The following ARHGAP21 variants were observed in gnomAD, a reference collection of about 807,000 sequenced individuals.
The protein encoded by ARHGAP21 is rho GTPase-activating protein 21.
ARHGAP21 carries 38 observed loss-of-function variants against 164.6 expected under a neutral mutation model. The ratio of observed to expected loss-of-function variants is 0.23; its 90% CI spans 0.18 to 0.30. The LOEUF is 0.30. Ranked by LOEUF, ARHGAP21 falls within the 10% of genes least tolerant of loss-of-function variation. ARHGAP21 has a pLI of 1.00. For missense variants in ARHGAP21, 1,822 were observed against 2,370.7 expected, an observed-to-expected ratio of 0.77 and a Z score of 4.81; for synonymous variants, 766 against 857.9, an observed-to-expected ratio of 0.89 and a Z score of 1.87.
At chr10:24,678,206 A>T (rs1841455127) in intron 2 of ARHGAP21, among the ~76,000 whole-genome samples, 1 of 152,216 alleles carries the variant, frequency 6.6e-6, no homozygotes, top group Non-Finnish European at 1.5e-5. Context: ...CTATAGTACA[A>T]CATCACAACC....
In ARHGAP21 at chr10:24,721,957, G is replaced by C. The variant is rs1412047590; in HGVS notation, c.-58C>G. 1 of 1,568,650 alleles carries C rather than the reference G, an allele frequency of 6.4e-7. No individual in the cohort carries two copies. Among genetic ancestry groups the C allele is most frequent in the Non-Finnish European group, 8.8e-7 (1 of 1,142,854 alleles). ...TTTGGAGTCCACATTGGACGTGGCGGGGAATGCCACCACACACCCGAAGGG... is the reference window on the plus strand; with the variant it reads ...TTTGGAGTCCACATTGGACGTGGCGCGGAATGCCACCACACACCCGAAGGG... On this transcript the variant is annotated 5_prime_UTR_variant, in exon 2 of 26. Transcript: ENST00000396432.
In ARHGAP21 at chr10:24,656,112, G is replaced by A. The variant is rs377123887; in HGVS notation, c.268+10873C>T. Among the ~76,000 whole-genome samples the A allele has an allele frequency of 8.0e-4, 117 of 146,970 alleles. 4 individuals carry two copies. The East Asian group carries it at 0.022, about 28-fold the overall frequency. The stretch of plus-strand genomic sequence containing the variant: ...TCTCCGCCCGGCAGCCACCCCATCT[G>A]GGAAGTGAGGAGTGTCTCCGCCCGG... On this transcript the variant is annotated intron_variant, in intron 4 of 25. Transcript: ENST00000396432.
intron 3 of ARHGAP21, among the ~76,000 whole-genome samples, chr10:24,669,354 A>G (rs2131762644): frequency 6.6e-6 from 1 of 152,334 alleles, no homozygotes; most frequent in African/African-American, 2.4e-5. Context: ...TTAGAATTAG[A>G]AAAGACTTTG....
At chr10:24,656,378 C>G (rs1177426182) in intron 4 of ARHGAP21, among the ~76,000 whole-genome samples, 9 of 98,692 alleles carry the variant, frequency 9.1e-5, no homozygotes, top group African/African-American at 1.8e-4. Flanking sequence ...CCGCCCCGTC[C>G]GGGAGGGAGG....
At chr10:24,714,026 A>G (rs1443064650) in intron 2 of ARHGAP21, among the ~76,000 whole-genome samples, 1 of 152,224 alleles carries the variant, frequency 6.6e-6, no homozygotes, top group Non-Finnish European at 1.5e-5. Flanking sequence ...AACACATTTA[A>G]TTACTTACAG....
chr10:24,697,673 A>G lies in ARHGAP21; in HGVS notation c.63+24164T>C, dbSNP rs553312523. ...GGAGTTCGAGACCAGCCTGGCCAACACGGTGAAACCCCGTCTCTACTGAAA... is the reference window on the plus strand; with the variant it reads ...GGAGTTCGAGACCAGCCTGGCCAACGCGGTGAAACCCCGTCTCTACTGAAA... On this transcript the variant is annotated intron_variant, in intron 2 of 25. Transcript: ENST00000396432. Among the ~76,000 whole-genome samples, 244 of 152,232 alleles carry G rather than the reference A, an allele frequency of 1.6e-3. 1 individual carries two copies. The highest frequency in any genetic ancestry group is 5.6e-3 in the African/African-American group (233 of 41,538).
Position 24,584,824 on chromosome 10 carries a change from T to G in ARHGAP21, c.5465A>C (p.His1822Pro). The G allele has an allele frequency of 1.2e-6, 2 of 1,614,008 alleles. No homozygotes were observed. The highest frequency in any genetic ancestry group is 1.7e-6 in the Non-Finnish European group (2 of 1,179,874). ...EISVLNFWKV[H>P]EQSGERESEL... ...AGATTCTCTCTCCCCGCTCTGCTCA[T>G]GCACTTTCCAAAAATTCAAAACGCT... is the stretch of plus-strand genomic sequence containing the variant. Residue 1822 changes from histidine to proline, a missense_variant, in exon 26 of 26, where the codon CAT becomes CCT. Physicochemically the swap from His to Pro is moderately conservative, Grantham distance 77 (BLOSUM62 -2). This residue lies in a region of ARHGAP21 where 165 missense variants were observed against 176.6 expected (regional missense o/e 0.93). Transcript: ENST00000396432.
At chr10:24,716,290 C>G (rs1354840521) in intron 2 of ARHGAP21, among the ~76,000 whole-genome samples, 1 of 152,116 alleles carries the variant, frequency 6.6e-6, no homozygotes, top group Non-Finnish European at 1.5e-5. Flanking sequence ...GGAGATAAAG[C>G]AAGGAAGGAA....
chr10:24,649,848 A>G (rs1380944943), intron 4 of ARHGAP21, among the ~76,000 whole-genome samples: 1 of 152,170 alleles, frequency 6.6e-6, no homozygotes, highest in Non-Finnish European at 1.5e-5. Context: ...TCCGCTTACC[A>G]TGTCTGAAGA....
At chr10:24,652,267 T>C (rs1838255615) in intron 4 of ARHGAP21, among the ~76,000 whole-genome samples, 1 of 152,162 alleles carries the variant, frequency 6.6e-6, no homozygotes, top group South Asian at 2.1e-4. Flanking sequence ...TTCCACAAAA[T>C]AGTGTGGGGC....
At chr10:24,643,685 C>T (rs999612038) in intron 4 of ARHGAP21, among the ~76,000 whole-genome samples, 4 of 152,186 alleles carry the variant, frequency 2.6e-5, no homozygotes, top group Admixed American at 2.0e-4. Flanking sequence ...TCTCTAACTA[C>T]GGAGAATTCC....
Position 24,591,659 on chromosome 10 carries a change from C to T in ARHGAP21, c.4027G>A (p.Gly1343Ser), listed in dbSNP as rs2076336578. The change falls in exon 23 of 26, where the codon GGT (glycine) becomes AGT (serine). Residue 1343 changes from glycine (G) to serine (S), a missense_variant. Gly to Ser is a moderately conservative substitution (Grantham distance 56). Coordinates refer to ENST00000396432, the MANE Select transcript of ARHGAP21 (RefSeq NM_020824.4). Reference protein sequence around the residue: ...QHHDWFFTEEGAEEPLTTVQE... With the variant: ...QHHDWFFTEESAEEPLTTVQE... ...ATACTTACAAGAGGCTCTTCAGCAC[C>T]TTCTTCTGTGAAAAACCAGTCATGC... is the stretch of plus-strand genomic sequence containing the variant. 1.9e-6 allele frequency: 3 copies of T among 1,614,068 alleles called. No homozygotes were observed. Among genetic ancestry groups the T allele is most frequent in the East Asian group, 2.2e-5 (1 of 44,878 alleles).
At position 24,610,175 on chromosome 10, in the gene ARHGAP21, G is replaced by C. The variant is rs539944544; in HGVS notation, c.2423-2272C>G. ...GTGGATCACCTGAGGTCAGGAGTTC[G>C]AGACCAGCCTGGCCAACATGGCAAA... On this transcript the variant is annotated intron_variant, in intron 9 of 25. Coordinates refer to ENST00000396432, the MANE Select transcript of ARHGAP21 (RefSeq NM_020824.4). 2.0e-5 allele frequency among the ~76,000 whole-genome samples: 3 copies of C among 152,110 alleles called. No individual in the cohort carries two copies. The East Asian group carries it at 5.8e-4, about 29-fold the overall frequency.
intron 2 of ARHGAP21, among the ~76,000 whole-genome samples, chr10:24,702,656 G>A (rs537269574): frequency 1.3e-5 from 2 of 151,786 alleles, no homozygotes; most frequent in African/African-American, 2.4e-5. Context: ...GCAGAATCTC[G>A]GTTCACTGCA....
In ARHGAP21 at chr10:24,584,884, T is replaced by C; in HGVS notation, c.5405A>G (p.His1802Arg). ...AGCATCTCTGTGCCCTCCTAGTGTA[T>C]GTCTGCGCCGGATGCTTTTCCTTTT... ...TAKRKSIRRR[H>R]TLGGHRDATE... The change falls in exon 26 of 26, where the codon CAT becomes CGT. Residue 1802 changes from histidine to arginine, a missense_variant. Coordinates refer to ENST00000396432, the MANE Select transcript of ARHGAP21 (RefSeq NM_020824.4). 6.2e-7 allele frequency: 1 copy of C among 1,613,976 alleles called. No individual in the cohort carries two copies. The highest frequency in any genetic ancestry group is 8.5e-7 in the Non-Finnish European group (1 of 1,179,860).
At chr10:24,682,523 A>G (rs1268752535) in intron 2 of ARHGAP21, among the ~76,000 whole-genome samples, 3 of 152,166 alleles carry the variant, frequency 2.0e-5, no homozygotes, top group Non-Finnish European at 4.4e-5. Context: ...TTGACAGGGT[A>G]TTTCTCTGCA....
intron 4 of ARHGAP21, among the ~76,000 whole-genome samples, chr10:24,641,120 C>T (rs982737350): frequency 6.6e-5 from 10 of 152,120 alleles, no homozygotes; most frequent in African/African-American, 2.4e-4. Flanking sequence ...TTGTTGACAA[C>T]AGGCTTCTAA....
At chr10:24,592,091 G>T in intron 21 of ARHGAP21, 79 bp from the exon 22 acceptor site, 2 of 1,237,592 alleles carry the variant, frequency 1.6e-6, no homozygotes, top group Non-Finnish European at 1.1e-6. Flanking sequence ...TAGGATTTTT[G>T]ATGAAAAAGA....
chr10:24,690,905 CAT>C (rs1324486201), intron 2 of ARHGAP21, among the ~76,000 whole-genome samples: 22 of 151,270 alleles, frequency 1.5e-4, no homozygotes, highest in African/African-American at 5.3e-4. Context: ...CACACACACA[CAT>C]ATAAAACATA....
Sources: allele counts gnomAD v4.1 joint callset (sites outside exome capture counted in the v4.1 genomes callset), GRCh38; gene constraint gnomAD v4.1.1; regional missense constraint gnomAD v4.1.1; transcripts MANE v1.5; gene names NCBI Gene and HGNC (gene_info 2026-07-23, HGNC 2026-07-21).